Variants in ANO4 observed in about 807,000 individuals in gnomAD.
ANO4 encodes the protein anoctamin 4, also known as anoctamin-4.
A neutral mutation model predicts 141.9 loss-of-function variants in ANO4; 69 were observed. That is an observed-to-expected ratio of 0.49 (90% CI 0.40 to 0.59). The LOEUF is 0.59. Ranked by LOEUF, ANO4 falls within the 20% of genes least tolerant of loss-of-function variation. The pLI is 0.00. For synonymous variants in ANO4, 350 were observed against 394.3 expected (o/e 0.89, Z 1.33); for missense variants, 894 against 1,162.2 (o/e 0.77, Z 3.36).
At chr12:100,889,084 T>C (rs1223724020) in intron 1 of ANO4, among the ~76,000 whole-genome samples, 1 of 138,778 alleles carries the variant, frequency 7.2e-6, no homozygotes, top group Admixed American at 8.1e-5. Flanking sequence ...CCTGTGTCCA[T>C]GTGTTCTCAT....
At chr12:100,926,097 A>G (rs1444902263) in intron 3 of ANO4, among the ~76,000 whole-genome samples, 1 of 152,102 alleles carries the variant, frequency 6.6e-6, no homozygotes, top group East Asian at 1.9e-4. Flanking sequence ...TAGAGTCAAT[A>G]TTTAATTGTA....
chr12:100,742,881 C>T (rs2031932759), intron 3 of ANO4, among the ~76,000 whole-genome samples: 1 of 152,090 alleles, frequency 6.6e-6, no homozygotes, highest in Non-Finnish European at 1.5e-5. Flanking sequence ...TTTACTTAAC[C>T]CTGCTTGTCA....
rs547122510 is a variant in ANO4 at position 100,823,379 on chromosome 12, T to A, written c.-141+28352T>A. 2.6e-5 allele frequency among the ~76,000 whole-genome samples: 4 copies of A among 152,156 alleles called. No homozygotes were observed. In the South Asian group the frequency reaches 8.3e-4, roughly 32 times the overall value. On this transcript the variant is annotated intron_variant, in intron 1 of 27. Coordinates refer to ENST00000392977, the MANE Select transcript of ANO4 (RefSeq NM_001286615.2). The stretch of plus-strand genomic sequence containing the variant: ...AAGAAAGAAAAGGATTGGTAAAATA[T>A]CTGTTATTTCACTTACAGGTGGAAG...
chr12:101,062,404 C>T (rs774688240), intron 14 of ANO4, among the ~76,000 whole-genome samples: 38 of 152,342 alleles, frequency 2.5e-4, no homozygotes, highest in Admixed American at 1.3e-4. Flanking sequence ...TAGCAGAGCT[C>T]GAGCACTGTG....
chr12:100,942,344 G>T, intron 4 of ANO4, 33 bp from the exon 5 acceptor site: 1 of 1,596,552 alleles, frequency 6.3e-7, no homozygotes, highest in South Asian at 1.1e-5. Flanking sequence ...TTTGATGAAT[G>T]ACTTAAACTG....
rs374644228 is a variant in ANO4, at chr12:101,013,190, GA to G, written c.735-6841del. 1.9e-4 allele frequency among the ~76,000 whole-genome samples: 29 copies of G among 152,250 alleles called. No individual in the cohort carries two copies. In the East Asian group the frequency reaches 5.6e-3, roughly 29 times the overall value. On this transcript the variant is annotated intron_variant, in intron 8 of 27. Coordinates refer to ENST00000392977, the MANE Select transcript of ANO4 (RefSeq NM_001286615.2). Reference sequence around the variant, plus strand: ...GGTCCAGATCAAAAGTTCTGTTTTGGAAATATTTGGTTTGAGTTTTTTCTTA... The same window carrying G: ...GGTCCAGATCAAAAGTTCTGTTTTGGAATATTTGGTTTGAGTTTTTTCTTA...
chr12:101,058,247 C>T (rs985464304), intron 14 of ANO4, among the ~76,000 whole-genome samples: 1 of 152,168 alleles, frequency 6.6e-6, no homozygotes, highest in African/African-American at 2.4e-5. Flanking sequence ...CAGTACCATG[C>T]TGTTTTGGTT....
At chr12:101,000,744 A>G (rs1257185108) in intron 8 of ANO4, among the ~76,000 whole-genome samples, 1 of 152,244 alleles carries the variant, frequency 6.6e-6, no homozygotes, top group Non-Finnish European at 1.5e-5. Flanking sequence ...CCTTTTAAGT[A>G]GGACATAATT....
At chr12:101,056,820 T>G (rs890449955) in intron 14 of ANO4, among the ~76,000 whole-genome samples, 4 of 151,420 alleles carry the variant, frequency 2.6e-5, no homozygotes, top group Non-Finnish European at 5.9e-5. Flanking sequence ...GCCAAAAGCT[T>G]TTCCTGTATT....
At chr12:101,105,633 C>A (rs565770263) in intron 22 of ANO4, among the ~76,000 whole-genome samples, 73 of 152,044 alleles carry the variant, frequency 4.8e-4, no homozygotes, top group African/African-American at 1.7e-3. Context: ...AAAAAGGAGA[C>A]CCAAAGATGA....
intron 1 of ANO4, among the ~76,000 whole-genome samples, chr12:100,864,874 TC>T (rs967595490): frequency 1.2e-4 from 19 of 152,150 alleles, no homozygotes; most frequent in Admixed American, 1.3e-4. Flanking sequence ...TGTGTGATGT[TC>T]CCCTCCTTGT....
intron 8 of ANO4, among the ~76,000 whole-genome samples, chr12:100,991,467 A>G (rs1264094065): frequency 2.0e-5 from 3 of 149,138 alleles, no homozygotes; most frequent in Admixed American, 6.8e-5. Flanking sequence ...ATAGAAATGT[A>G]AGTGTGTTCG....
chr12:101,042,610 A>G, intron 12 of ANO4, 142 bp downstream of exon 12: 1 of 1,150,670 alleles, frequency 8.7e-7, no homozygotes, highest in East Asian at 2.4e-5. Flanking sequence ...TCAAAGTTTC[A>G]GTTCACTAGG....
chr12:100,842,411 A>ATGTGTG (rs112263464), intron 1 of ANO4, among the ~76,000 whole-genome samples: 3 of 149,614 alleles, frequency 2.0e-5, no homozygotes, highest in Non-Finnish European at 4.5e-5. Context: ...GTGTATGTGT[A>ATGTGTG]TGTGTGTGTG....
At chr12:100,924,506 C>A (rs1024912723) in intron 3 of ANO4, among the ~76,000 whole-genome samples, 2 of 152,024 alleles carry the variant, frequency 1.3e-5, no homozygotes, top group African/African-American at 4.8e-5. Context: ...GAAGATTAGG[C>A]TACTTTTAAA....
chr12:100,805,159 A>T (rs2135678321), intron 1 of ANO4, among the ~76,000 whole-genome samples: 1 of 152,212 alleles, frequency 6.6e-6, no homozygotes, highest in African/African-American at 2.4e-5. Context: ...TTTCTATTTT[A>T]TGCATATGGC....
intron 22 of ANO4, among the ~76,000 whole-genome samples, chr12:101,100,199 C>G (rs915015399): frequency 5.9e-5 from 9 of 151,978 alleles, no homozygotes; most frequent in African/African-American, 2.2e-4. Context: ...TTCTCTTATT[C>G]TTTTTGTCTT....
chr12:100,956,035 A>G (rs890478499), intron 5 of ANO4, among the ~76,000 whole-genome samples: 1 of 152,226 alleles, frequency 6.6e-6, no homozygotes, highest in Admixed American at 6.5e-5. Flanking sequence ...ATTTCCCATG[A>G]ACATAATTGA....
At chr12:100,979,738 T>A (rs80229343) in intron 7 of ANO4, among the ~76,000 whole-genome samples, 16,200 of 151,904 alleles carry the variant, frequency 0.11, 1,007 homozygotes, top group East Asian at 0.3. Flanking sequence ...TTATTTATTT[T>A]TTTTTTTGAG....
Sources: gnomAD v4.1 joint callset for allele counts (sites outside exome capture counted in the v4.1 genomes callset) on GRCh38, gnomAD v4.1.1 for gene constraint, MANE v1.5 for transcripts, NCBI Gene and HGNC (gene_info 2026-07-23, HGNC 2026-07-21) for gene names.